Variants in IQGAP2 observed in about 807,000 individuals in gnomAD.
IQGAP2 encodes the protein IQ motif containing GTPase activating protein 2.
In IQGAP2, 173 loss-of-function variants were observed where a neutral mutation model predicts 201.3. The ratio of observed to expected loss-of-function variants is 0.86; its 90% CI spans 0.76 to 0.98. The LOEUF is 0.98. Among genes scored for constraint, IQGAP2 ranks in the 50% least tolerant of loss-of-function variants. The pLI is 0.00. For missense variants in IQGAP2, 1,687 were observed against 1,864.8 expected, an observed-to-expected ratio of 0.90 and a Z score of 1.76; for synonymous variants, 675 against 673.9, an observed-to-expected ratio of 1.00 and a Z score of -0.03.
rs577044132 is a variant in IQGAP2 at position 76,676,681 on chromosome 5, A to G, written c.3528-537A>G. ...TGTATTTGGGTGTCTAGCCTTAACA[A>G]TCTTTCCATCGGCCAGCAAATATTT... On this transcript the variant is annotated intron_variant, in intron 27 of 35. Transcript: ENST00000274364. Among the ~76,000 whole-genome samples, 7 of 152,316 alleles carry G rather than the reference A, an allele frequency of 4.6e-5. No homozygotes were observed. In the South Asian group the frequency reaches 6.2e-4, roughly 14 times the overall value.
chr5:76,668,273 G>A (rs1290106676), intron 22 of IQGAP2, among the ~76,000 whole-genome samples: 1 of 152,032 alleles, frequency 6.6e-6, no homozygotes, highest in Non-Finnish European at 1.5e-5. Flanking sequence ...GTTCAAAAAG[G>A]TCAACAGTGA....
At chr5:76,469,424 G>A (rs145385656) in intron 2 of IQGAP2, among the ~76,000 whole-genome samples, 272 of 150,268 alleles carry the variant, frequency 1.8e-3, no homozygotes, top group African/African-American at 6.2e-3. Context: ...GAGACGTAGT[G>A]TCACTCTGTT....
At chr5:76,533,985 G>A (rs1474133528) in intron 2 of IQGAP2, among the ~76,000 whole-genome samples, 1 of 152,188 alleles carries the variant, frequency 6.6e-6, no homozygotes, top group African/African-American at 2.4e-5. Flanking sequence ...TCAAAGGCAC[G>A]ATGAATAATG....
At chr5:76,659,243 T>C (rs1365656562) in intron 21 of IQGAP2, among the ~76,000 whole-genome samples, 2 of 152,232 alleles carry the variant, frequency 1.3e-5, no homozygotes, top group Non-Finnish European at 2.9e-5. Flanking sequence ...TAAAATGTAC[T>C]GATGTATATA....
chr5:76,569,557 A>T (rs1437621320), intron 3 of IQGAP2, among the ~76,000 whole-genome samples: 1 of 152,228 alleles, frequency 6.6e-6, no homozygotes, highest in Non-Finnish European at 1.5e-5. Flanking sequence ...AGGCATAAAC[A>T]TTTGTCAAAT....
intron 2 of IQGAP2, among the ~76,000 whole-genome samples, chr5:76,485,730 G>A (rs1326819814): frequency 6.6e-6 from 1 of 152,148 alleles, no homozygotes; most frequent in East Asian, 1.9e-4. Flanking sequence ...TGTCATCCTT[G>A]GCCAGGCACT....
chr5:76,497,882 G>C (rs1757073388), intron 2 of IQGAP2, among the ~76,000 whole-genome samples: 1 of 152,118 alleles, frequency 6.6e-6, no homozygotes, highest in African/African-American at 2.4e-5. Flanking sequence ...CTTTTTTTCT[G>C]CTGTACACAG....
intron 3 of IQGAP2, among the ~76,000 whole-genome samples, chr5:76,566,605 G>A (rs1580473152): frequency 2.0e-5 from 3 of 152,294 alleles, no homozygotes; most frequent in Admixed American, 1.3e-4. Flanking sequence ...ATATGGTGCA[G>A]TTTGCGCTTC....
intron 1 of IQGAP2, among the ~76,000 whole-genome samples, chr5:76,428,144 C>T (rs541102180): frequency 1.3e-5 from 2 of 152,306 alleles, no homozygotes; most frequent in Non-Finnish European, 2.9e-5. Context: ...TGAGCAGAGA[C>T]TCACAGAGGA....
At chr5:76,418,731 A>G (rs1168477392) in intron 1 of IQGAP2, among the ~76,000 whole-genome samples, 1 of 152,216 alleles carries the variant, frequency 6.6e-6, no homozygotes, top group African/African-American at 2.4e-5. Flanking sequence ...ACTGGAGGAT[A>G]AAGCTTGGGA....
In IQGAP2 at chr5:76,689,731, G is replaced by T. The variant is rs368423067; in HGVS notation, c.3906-3624G>T. 5.3e-5 allele frequency among the ~76,000 whole-genome samples: 8 copies of T among 152,296 alleles called. No individual in the cohort carries two copies. The East Asian group carries it at 7.7e-4, about 15-fold the overall frequency. On this transcript the variant is annotated intron_variant, in intron 30 of 35. Coordinates refer to ENST00000274364, the MANE Select transcript of IQGAP2 (RefSeq NM_006633.5). ...CTAGCAGGAGCACTAAATGGCTAAG[G>T]TGATATTTGAGGTCTGGAGCTAATA...
At chr5:76,643,646 GT>G (rs34034474) in intron 17 of IQGAP2, among the ~76,000 whole-genome samples, 1 of 152,244 alleles carries the variant, frequency 6.6e-6, no homozygotes, top group South Asian at 2.1e-4. Context: ...ACAGGAGGAA[GT>G]TTTTTTCATG....
intron 11 of IQGAP2, among the ~76,000 whole-genome samples, chr5:76,601,875 T>A (rs1747452762): frequency 6.6e-6 from 1 of 152,214 alleles, no homozygotes; most frequent in African/African-American, 2.4e-5. Context: ...TTGTTTTTAG[T>A]CTTTTTGGAG....
chr5:76,406,584 G>A lies in IQGAP2; in HGVS notation c.46+2993G>A, dbSNP rs141861869. Among the ~76,000 whole-genome samples the A allele has an allele frequency of 5.3e-5, 8 of 152,294 alleles. No individual in the cohort carries two copies. The East Asian group carries it at 5.8e-4, about 11-fold the overall frequency. On this transcript the variant is annotated intron_variant, in intron 1 of 35. Coordinates refer to ENST00000274364, the MANE Select transcript of IQGAP2 (RefSeq NM_006633.5). ...ACACTTACGCTTAGGTGTGATTTGC[G>A]AATAACTTGTGTTGTTGTAATGGAT... is the stretch of plus-strand genomic sequence containing the variant.
chr5:76,706,758 A>T (rs11953613), intron 35 of IQGAP2, among the ~76,000 whole-genome samples: 45,559 of 152,172 alleles, frequency 0.3, 6,973 homozygotes, highest in Non-Finnish European at 0.33. Context: ...ATCATCATTT[A>T]CTTTCATACA....
intron 28 of IQGAP2, among the ~76,000 whole-genome samples, chr5:76,680,515 A>G (rs950630900): frequency 6.6e-6 from 1 of 152,174 alleles, no homozygotes; most frequent in African/African-American, 2.4e-5. Flanking sequence ...CTTTTGAGCT[A>G]TAAAGAGTAA....
intron 15 of IQGAP2, among the ~76,000 whole-genome samples, chr5:76,632,470 T>G (rs995883132): frequency 6.6e-6 from 1 of 152,182 alleles, no homozygotes; most frequent in African/African-American, 2.4e-5. Context: ...GCTAGGCAAC[T>G]AGTTATGCCT....
At chr5:76,642,193 CTAATTTTGCACAAATT>C (rs1321658535) in intron 17 of IQGAP2, among the ~76,000 whole-genome samples, 5 of 152,070 alleles carry the variant, frequency 3.3e-5, no homozygotes, top group African/African-American at 1.2e-4. Context: ...TGATGAGACT[CTAATTTTGCACAAATT>C]TCACGTGTCA....
intron 19 of IQGAP2, 22 bp from the exon 20 acceptor site, chr5:76,654,912 G>C: frequency 3.8e-6 from 6 of 1,563,332 alleles, no homozygotes; most frequent in Non-Finnish European, 5.3e-6. Flanking sequence ...GGGAGATCAA[G>C]ACTTGTCTTA....
Sources: gnomAD v4.1 joint callset for allele counts (sites outside exome capture counted in the v4.1 genomes callset) on GRCh38, gnomAD v4.1.1 for gene constraint, MANE v1.5 for transcripts, NCBI Gene and HGNC (gene_info 2026-07-23, HGNC 2026-07-21) for gene names.